The following APP variants were observed in gnomAD, a reference collection of about 807,000 sequenced individuals.
APP encodes amyloid-beta precursor protein.
A neutral mutation model predicts 101.4 loss-of-function variants in APP; 31 were observed. The observed-to-expected ratio is 0.31, with a 90% confidence interval of 0.23 to 0.41. The LOEUF is 0.41. APP is among the 10% of genes least tolerant of loss of function. The pLI, the probability that APP is intolerant of heterozygous loss-of-function variation, is 1.00. For synonymous variants in APP, 366 were observed against 364.4 expected, an observed-to-expected ratio of 1.00 and a Z score of -0.05; for missense variants, 839 against 1,003.7, an observed-to-expected ratio of 0.84 and a Z score of 2.22.
chr21:26,083,715 C>T (rs45447400), intron 3 of APP, among the ~76,000 whole-genome samples: 1 of 152,278 alleles, frequency 6.6e-6, no homozygotes, highest in East Asian at 1.9e-4. Context: ...AGCTGGGTTT[C>T]TTTTTCTCAC....
At chr21:25,990,573 T>C (rs760428509) in intron 8 of APP, among the ~76,000 whole-genome samples, 4 of 152,184 alleles carry the variant, frequency 2.6e-5, no homozygotes, top group South Asian at 2.1e-4. Flanking sequence ...CAACACTCAA[T>C]AGATGAGTTC....
rs542479248 is a variant in APP, at chr21:25,913,063, A to G, written c.1688-1101T>C. Reference sequence around the variant, plus strand: ...ATATATTTCAGACACATCACTGGTTAGTTTTATTGCTAGAGAAAATGAAAA... The same window carrying G: ...ATATATTTCAGACACATCACTGGTTGGTTTTATTGCTAGAGAAAATGAAAA... On this transcript the variant is annotated intron_variant, in intron 13 of 17. Transcript: ENST00000346798. Among the ~76,000 whole-genome samples, 50 of 152,340 alleles carry G rather than the reference A, an allele frequency of 3.3e-4. 2 individuals carry two copies. In the South Asian group the frequency reaches 9.5e-3, roughly 29 times the overall value.
intron 1 of APP, among the ~76,000 whole-genome samples, chr21:26,130,515 C>A (rs1047399473): frequency 2.0e-5 from 3 of 152,230 alleles, no homozygotes; most frequent in African/African-American, 7.2e-5. Context: ...CAGCAACTCA[C>A]AACTAATGTC....
In APP at chr21:25,982,438, T is replaced by C; in HGVS notation, c.1130A>G (p.Lys377Arg). The change falls in exon 9 of 18, where the codon AAG (lysine) becomes AGG (arginine). Residue 377 changes from lysine to arginine, a missense_variant. Lys to Arg is a conservative substitution (Grantham distance 26). Transcript: ENST00000346798. Reference sequence around the variant, plus strand: ...CTCATCCCCAGGTGTCTCGAGATACTTGTCAACGGCATCAGGGGTACTGGC... The same window carrying C: ...CTCATCCCCAGGTGTCTCGAGATACCTGTCAACGGCATCAGGGGTACTGGC... ...TAASTPDAVD[K>R]YLETPGDENE... 1 of 1,613,864 alleles carries C rather than the reference T, an allele frequency of 6.2e-7. No individual in the cohort carries two copies. Among genetic ancestry groups the C allele is most frequent in the East Asian group, 2.2e-5 (1 of 44,854 alleles).
In APP at chr21:26,117,104, G is replaced by A. The variant is rs529155979; in HGVS notation, c.58-4958C>T. Among the ~76,000 whole-genome samples the A allele has an allele frequency of 6.6e-5, 10 of 152,200 alleles. No individual in the cohort carries two copies. In the South Asian group the frequency reaches 1.0e-3, roughly 16 times the overall value. ...TCACCATGTTGGCCAGGCTGGTCTC[G>A]AACTCCTGGCCTCAAGTGATCCTCC... On this transcript the variant is annotated intron_variant, in intron 1 of 17. Coordinates refer to ENST00000346798, the MANE Select transcript of APP (RefSeq NM_000484.4).
chr21:25,883,170 A>T (rs760155626), intron 17 of APP, among the ~76,000 whole-genome samples: 9 of 152,194 alleles, frequency 5.9e-5, no homozygotes, highest in Non-Finnish European at 4.4e-5. Context: ...TGGGAGCCTG[A>T]GGTGGGTGCG....
At chr21:25,931,801 G>A (rs2040161188) in intron 13 of APP, among the ~76,000 whole-genome samples, 1 of 152,168 alleles carries the variant, frequency 6.6e-6, no homozygotes, top group Non-Finnish European at 1.5e-5. Flanking sequence ...TACACATGTT[G>A]AGTTGCAATC....
At chr21:26,043,804 G>GT (rs11371100) in intron 5 of APP, among the ~76,000 whole-genome samples, 152,293 of 152,294 alleles carry the variant, frequency 1, 76,146 homozygotes, top group Non-Finnish European at 1. Flanking sequence ...TTACCTTTGA[G>GT]TTCTGAGCAC....
At chr21:25,986,010 A>G (rs1219279203) in intron 8 of APP, among the ~76,000 whole-genome samples, 1 of 152,198 alleles carries the variant, frequency 6.6e-6, no homozygotes, top group African/African-American at 2.4e-5. Context: ...GAGCAATTTT[A>G]AGGTGGAGTA....
intron 11 of APP, among the ~76,000 whole-genome samples, chr21:25,964,488 C>A (rs1371923651): frequency 3.9e-5 from 6 of 152,076 alleles, no homozygotes; most frequent in African/African-American, 1.5e-4. Flanking sequence ...TCACTTGCTC[C>A]TAGTTACAGG....
intron 14 of APP, among the ~76,000 whole-genome samples, chr21:25,905,441 A>AAAACCTT (rs2038739171): frequency 6.6e-6 from 1 of 152,224 alleles, no homozygotes; most frequent in Non-Finnish European, 1.5e-5. Flanking sequence ...AGCCTAGCAG[A>AAAACCTT]AAACCTTAAA....
intron 13 of APP, among the ~76,000 whole-genome samples, chr21:25,928,352 A>C (rs2039991540): frequency 6.6e-6 from 1 of 151,430 alleles, no homozygotes; most frequent in Admixed American, 6.6e-5. Flanking sequence ...AAAACAAACA[A>C]ACAAACAAAC....
chr21:25,883,679 G>A (rs568101098), intron 17 of APP, among the ~76,000 whole-genome samples: 1 of 152,158 alleles, frequency 6.6e-6, no homozygotes, highest in Non-Finnish European at 1.5e-5. Flanking sequence ...GGCAACAGAG[G>A]GAGACTCTGT....
rs147868600 is a variant in APP, at chr21:25,897,639, G to C, written c.1998C>G (p.Ile666Met). 1.9e-6 allele frequency: 3 copies of C among 1,613,936 alleles called. No homozygotes were observed. Among genetic ancestry groups the C allele is most frequent in the Non-Finnish European group, 2.5e-6 (3 of 1,179,890 alleles). The change falls in exon 16 of 18, where the codon ATC (isoleucine) becomes ATG (methionine). Residue 666 changes from isoleucine to methionine, a missense_variant. Coordinates refer to ENST00000346798, the MANE Select transcript of APP (RefSeq NM_000484.4). ...SGLTNIKTEE[I>M]SEVKMDAEFR... ...ATTCTGCATCCATCTTCACTTCAGA[G>C]ATCTCCTCCGTCTTGATATTTGTCA...
chr21:25,961,622 A>G (rs1601037494), intron 11 of APP, among the ~76,000 whole-genome samples: 1 of 152,240 alleles, frequency 6.6e-6, no homozygotes, highest in Admixed American at 6.5e-5. Context: ...ATAATAATGT[A>G]TCTAAGAATA....
At chr21:25,918,731 C>T (rs937935151) in intron 13 of APP, among the ~76,000 whole-genome samples, 12 of 151,382 alleles carry the variant, frequency 7.9e-5, no homozygotes, top group East Asian at 2.0e-4. Context: ...GAGGGTCCTA[C>T]GCCCACGGAA....
chr21:26,034,805 G>A (rs1246187017), intron 5 of APP, among the ~76,000 whole-genome samples: 1 of 152,052 alleles, frequency 6.6e-6, no homozygotes, highest in Non-Finnish European at 1.5e-5. Context: ...CTAAGTGTCT[G>A]GCATTCTGCT....
intron 15 of APP, among the ~76,000 whole-genome samples, chr21:25,900,420 G>A (rs1282205577): frequency 1.3e-5 from 2 of 149,570 alleles, no homozygotes; most frequent in African/African-American, 4.9e-5. Flanking sequence ...TTAGCCAGGT[G>A]TGGTGGCGGG....
intron 3 of APP, among the ~76,000 whole-genome samples, chr21:26,054,782 C>G (rs2045977470): frequency 6.6e-6 from 1 of 151,980 alleles, no homozygotes; most frequent in Admixed American, 6.6e-5. Flanking sequence ...TCCCACGGAG[C>G]AAGGAATACA....
Sources: gnomAD v4.1 joint callset for allele counts (sites outside exome capture counted in the v4.1 genomes callset) on GRCh38, gnomAD v4.1.1 for gene constraint, MANE v1.5 for transcripts, NCBI Gene and HGNC (gene_info 2026-07-23, HGNC 2026-07-21) for gene names.